The following ARHGEF3 variants were observed in gnomAD, a reference collection of about 807,000 sequenced individuals.
ARHGEF3 encodes 59.8 kDA protein.
In ARHGEF3, 28 loss-of-function variants were observed where a neutral mutation model predicts 63.2. The ratio of observed to expected loss-of-function variants is 0.44; its 90% CI spans 0.33 to 0.61. The LOEUF (loss-of-function observed/expected upper bound fraction) is 0.61. Among genes scored for constraint, ARHGEF3 ranks in the 20% least tolerant of loss-of-function variants. The pLI is 0.03. For synonymous variants in ARHGEF3, 266 were observed against 254.2 expected (o/e 1.05, Z -0.44); for missense variants, 533 against 659.3 (o/e 0.81, Z 2.10).
intron 1 of ARHGEF3, among the ~76,000 whole-genome samples, chr3:57,048,045 C>G (rs1430618218): frequency 6.6e-6 from 1 of 152,120 alleles, no homozygotes; most frequent in Non-Finnish European, 1.5e-5. Context: ...CTTGGATGAG[C>G]CTTCACGCAC....
At chr3:57,007,192 A>C in intron 2 of ARHGEF3, 12 of 1,282,158 alleles carry the variant, frequency 9.4e-6, no homozygotes, top group Non-Finnish European at 1.2e-5. Context: ...ATGAATTCTC[A>C]GTTTGTTCTG....
chr3:56,792,564 T>C (rs528933050), intron 1 of ARHGEF3, among the ~76,000 whole-genome samples: 12 of 152,328 alleles, frequency 7.9e-5, no homozygotes, highest in Non-Finnish European at 1.2e-4. Context: ...GGGCAAATCA[T>C]TGGACCTCTC....
At chr3:57,011,285 T>C (rs1164807790) in intron 2 of ARHGEF3, among the ~76,000 whole-genome samples, 1 of 152,094 alleles carries the variant, frequency 6.6e-6, no homozygotes, top group African/African-American at 2.4e-5. Flanking sequence ...AAAACAACGA[T>C]TTCACCTTTT....
At chr3:57,077,141 C>T (rs1173810550) in intron 1 of ARHGEF3, among the ~76,000 whole-genome samples, 2 of 152,200 alleles carry the variant, frequency 1.3e-5, no homozygotes, top group Non-Finnish European at 2.9e-5. Flanking sequence ...CTCAAATGTT[C>T]ATGAATTGCA....
At chr3:57,007,151 T>C in intron 2 of ARHGEF3, 2 of 1,242,484 alleles carry the variant, frequency 1.6e-6, no homozygotes, top group Non-Finnish European at 2.1e-6. Flanking sequence ...TATTCATCCA[T>C]AAAGAATTAA....
intron 1 of ARHGEF3, among the ~76,000 whole-genome samples, chr3:56,789,020 ATGCTGCTGCTGCTGCTGCTGCTGCTGC>A (rs34620976): frequency 5.2e-4 from 77 of 149,224 alleles, no homozygotes; most frequent in Admixed American, 1.0e-3. Flanking sequence ...TTCAAGATAG[ATGCTGCTGCTGCTGCTGCTGCTGCTGC>A]TGCTGCTGCT....
chr3:56,881,112 C>T (rs1232846890), intron 4 of ARHGEF3, among the ~76,000 whole-genome samples: 1 of 152,178 alleles, frequency 6.6e-6, no homozygotes, highest in African/African-American at 2.4e-5. Flanking sequence ...GTTTCCTTTT[C>T]ACAATGGTTT....
chr3:56,809,430 A>T (rs1470570125), intron 4 of ARHGEF3, among the ~76,000 whole-genome samples: 1 of 152,214 alleles, frequency 6.6e-6, no homozygotes, highest in Non-Finnish European at 1.5e-5. Flanking sequence ...TCAGTGATTA[A>T]ATGAAAACCC....
At position 56,964,393 on chromosome 3, in the gene ARHGEF3, T is replaced by A. The variant is rs192513833; in HGVS notation, c.63-5504A>T. On this transcript the variant is annotated intron_variant, in intron 2 of 12. Transcript: ENST00000338458. The stretch of plus-strand genomic sequence containing the variant: ...AAAAATCACAGAACCTCAGAAATGG[T>A]CAGCTGGTACAATTTCTCAGTCACT... Among the ~76,000 whole-genome samples, 267 of 148,716 alleles carry A rather than the reference T, an allele frequency of 1.8e-3. 1 individual carries two copies. Among genetic ancestry groups the A allele is most frequent in the South Asian group, 3.8e-3 (18 of 4,684 alleles).
chr3:57,071,403 T>C (rs1030356871), intron 1 of ARHGEF3, among the ~76,000 whole-genome samples: 2 of 152,174 alleles, frequency 1.3e-5, no homozygotes, highest in Non-Finnish European at 2.9e-5. Flanking sequence ...GGCTCATGCC[T>C]GTAATCCCAG....
chr3:56,906,534 G>A (rs1272560660), intron 3 of ARHGEF3, among the ~76,000 whole-genome samples: 5 of 152,162 alleles, frequency 3.3e-5, no homozygotes, highest in East Asian at 1.9e-4. Context: ...AGCTATTGCA[G>A]GTTGAAATGC....
intron 4 of ARHGEF3, among the ~76,000 whole-genome samples, chr3:56,865,606 C>T (rs547963682): frequency 9.2e-5 from 14 of 152,258 alleles, no homozygotes; most frequent in African/African-American, 3.4e-4. Flanking sequence ...ATTACTGTGC[C>T]TTTAATGACA....
intron 1 of ARHGEF3, chr3:57,076,934 T>C (rs965190608): frequency 2.6e-5 from 4 of 152,214 alleles, no homozygotes; most frequent in African/African-American, 9.7e-5. Context: ...GGGCAAGCTC[T>C]ATGAATAAAA....
rs1700569288 is a variant in ARHGEF3 at position 56,967,401 on chromosome 3, A to AATATATTATATAATATATT, written c.63-8513_63-8512insAATATATTATATAATATAT. ...ATATTATACATATTATATATTATAT[A>AATATATTATATAATATATT]ATATATTATATATTATACATATTAT... On this transcript the variant is annotated intron_variant, in intron 2 of 12. Transcript: ENST00000338458. Among the ~76,000 whole-genome samples, 17 of 29,818 alleles carry AATATATTATATAATATATT rather than the reference A, an allele frequency of 5.7e-4. 2 individuals carry two copies. Among genetic ancestry groups the AATATATTATATAATATATT allele is most frequent in the Non-Finnish European group, 4.5e-4 (8 of 17,840 alleles). 19.6% of individuals were successfully genotyped at this position (29,818 alleles called of 152,430 possible).
At chr3:56,862,601 G>C (rs550993168) in intron 4 of ARHGEF3, among the ~76,000 whole-genome samples, 2 of 152,276 alleles carry the variant, frequency 1.3e-5, no homozygotes, top group African/African-American at 2.4e-5. Context: ...CACACAGGAC[G>C]AGGCTGCTGC....
intron 4 of ARHGEF3, among the ~76,000 whole-genome samples, chr3:56,822,508 A>G (rs1166891408): frequency 1.3e-5 from 2 of 152,182 alleles, no homozygotes; most frequent in African/African-American, 4.8e-5. Flanking sequence ...ACCTATATGT[A>G]TATATATATG....
At chr3:56,989,427 T>G (rs145799046) in intron 2 of ARHGEF3, among the ~76,000 whole-genome samples, 53 of 152,324 alleles carry the variant, frequency 3.5e-4, no homozygotes, top group Middle Eastern at 6.8e-3. Flanking sequence ...ATTTCCATTT[T>G]AAGAGGCTGT....
At chr3:56,759,432 G>A (rs1318796395) in intron 2 of ARHGEF3, among the ~76,000 whole-genome samples, 2 of 152,162 alleles carry the variant, frequency 1.3e-5, no homozygotes, top group African/African-American at 4.8e-5. Flanking sequence ...GCCTCCCGAA[G>A]TGCTGGGATT....
intron 2 of ARHGEF3, among the ~76,000 whole-genome samples, chr3:57,026,010 C>A (rs11130563): frequency 0.26 from 39,133 of 152,030 alleles, 5,478 homozygotes; most frequent in Middle Eastern, 0.33. Flanking sequence ...AGACTCCCCC[C>A]ATTCACACCC....
Sources: allele counts gnomAD v4.1 joint callset (sites outside exome capture counted in the v4.1 genomes callset), GRCh38; gene constraint gnomAD v4.1.1; transcripts MANE v1.5; gene names NCBI Gene and HGNC (gene_info 2026-07-23, HGNC 2026-07-21).